IL34: variants seen among roughly 807,000 people sequenced by gnomAD.
IL34 encodes interleukin-34.
Under a neutral mutation model 25.3 loss-of-function variants are expected in IL34, and 17 were observed. That is an observed-to-expected ratio of 0.67 (90% CI 0.46 to 1.01). The LOEUF is 1.01. Ranked by LOEUF, IL34 falls within the 50% of genes least tolerant of loss-of-function variation. IL34 has a pLI of 0.00. For synonymous variants in IL34, 174 were observed against 140.9 expected, an observed-to-expected ratio of 1.23 and a Z score of -1.66; for missense variants, 368 against 312.9, an observed-to-expected ratio of 1.18 and a Z score of -1.33.
intron 1 of IL34, among the ~76,000 whole-genome samples, chr16:70,592,760 T>G (rs2050771066): frequency 6.6e-6 from 1 of 152,118 alleles, no homozygotes; most frequent in African/African-American, 2.4e-5. Flanking sequence ...GTGCAAGCGA[T>G]TCTCCTGCCT....
At chr16:70,586,709 C>T (rs914825262) in intron 1 of IL34, among the ~76,000 whole-genome samples, 14 of 152,214 alleles carry the variant, frequency 9.2e-5, no homozygotes, top group Admixed American at 7.9e-4. Flanking sequence ...GTCCTCCAGC[C>T]TGGCATTGCA....
intron 3 of IL34, 119 bp from the exon 4 acceptor site, chr16:70,656,830 ATGTTTGTCCAC>A: frequency 8.8e-7 from 1 of 1,135,190 alleles, no homozygotes; most frequent in Non-Finnish European, 1.3e-6. Context: ...GCCCAGGCAC[ATGTTTGTCCAC>A]TGTCCACAGC....
At chr16:70,589,585 A>T (rs2050729529) in intron 1 of IL34, among the ~76,000 whole-genome samples, 1 of 150,968 alleles carries the variant, frequency 6.6e-6, no homozygotes, top group South Asian at 2.1e-4. Context: ...TTTTTTATAG[A>T]TGTGGTACAT....
chr16:70,639,949 C>A (rs901416239), intron 1 of IL34, among the ~76,000 whole-genome samples: 4 of 151,852 alleles, frequency 2.6e-5, no homozygotes, highest in Admixed American at 6.6e-5. Context: ...CAAAGGGAGA[C>A]CCTGTCTCCG....
At chr16:70,598,344 C>T (rs2050855673) in intron 1 of IL34, among the ~76,000 whole-genome samples, 1 of 152,128 alleles carries the variant, frequency 6.6e-6, no homozygotes, top group Non-Finnish European at 1.5e-5. Context: ...TCCAGTTCAC[C>T]TTGCATATTA....
chr16:70,660,375 A>G lies in IL34; in HGVS notation c.*188A>G. On this transcript the variant is annotated 3_prime_UTR_variant, in exon 6 of 6. Coordinates refer to ENST00000288098, the MANE Select transcript of IL34 (RefSeq NM_001393494.1). ...CAGCTTCCTGCCTTCCATAGCTGTC[A>G]TGGCCTCACCTGGAGCGGAGGGGAC... The G allele has an allele frequency of 1.8e-6, 1 of 557,542 alleles. No homozygotes were observed. Among genetic ancestry groups the G allele is most frequent in the South Asian group, 2.9e-5 (1 of 34,594 alleles). The allele number at this position is 557,542 out of a possible 1,614,324, so 34.5% of individuals were successfully genotyped here.
chr16:70,580,121 C>G (rs371835053), intron 1 of IL34: 1 of 152,654 alleles, frequency 6.6e-6, no homozygotes, highest in African/African-American at 2.4e-5. Context: ...TTCCCCACCC[C>G]GATTCTGCTG....
intron 1 of IL34, among the ~76,000 whole-genome samples, chr16:70,627,657 A>G (rs1316324929): frequency 6.6e-6 from 1 of 151,856 alleles, no homozygotes; most frequent in African/African-American, 2.4e-5. Context: ...TTTTGTAGAG[A>G]TGGGATCTCA....
chr16:70,656,466 C>A, intron 2 of IL34, 136 bp from the exon 3 acceptor site: 1 of 687,218 alleles, frequency 1.5e-6, no homozygotes. Context: ...CTTCCGTGAG[C>A]CATGATGCTG....
intron 1 of IL34, among the ~76,000 whole-genome samples, chr16:70,600,904 G>A (rs932815685): frequency 2.0e-5 from 3 of 151,652 alleles, no homozygotes; most frequent in Non-Finnish European, 4.4e-5. Context: ...AGGAGATGCT[G>A]GGAGAAATGA....
chr16:70,608,047 C>T (rs943638473), intron 1 of IL34, among the ~76,000 whole-genome samples: 3 of 150,016 alleles, frequency 2.0e-5, no homozygotes, highest in East Asian at 2.0e-4. Context: ...GGATTACAGG[C>T]GTGAGCCACC....
In IL34 at chr16:70,599,721, A is replaced by C. The variant is rs1422542237; in HGVS notation, c.-401+19672A>C. 2.8e-5 allele frequency among the ~76,000 whole-genome samples: 4 copies of C among 145,278 alleles called. No individual in the cohort carries two copies. The East Asian group carries it at 8.2e-4, about 30-fold the overall frequency. On this transcript the variant is annotated intron_variant, in intron 1 of 6. Coordinates refer to the IL34 transcript ENST00000429149. Reference sequence around the variant, plus strand: ...ACAGGGTCTTGCTTTGTCGCCCAGGATAGAGTATAGTGGTGTGATCACAGC... The same window carrying C: ...ACAGGGTCTTGCTTTGTCGCCCAGGCTAGAGTATAGTGGTGTGATCACAGC...
chr16:70,605,450 C>T lies in IL34; in HGVS notation c.-401+25401C>T, dbSNP rs115339206. ...ATTCACTGTGTTGTGTAATCATCAT[C>T]GCTATCCAGTTCCAGAACTTTTCAT... On this transcript the variant is annotated intron_variant, in intron 1 of 6. Coordinates refer to the IL34 transcript ENST00000429149. 1.8e-3 allele frequency among the ~76,000 whole-genome samples: 275 copies of T among 152,260 alleles called. 1 individual carries two copies. The highest frequency in any genetic ancestry group is 6.8e-3 in the Middle Eastern group (2 of 294).
chr16:70,621,618 C>G (rs1056452783), intron 1 of IL34, among the ~76,000 whole-genome samples: 4 of 152,096 alleles, frequency 2.6e-5, no homozygotes, highest in African/African-American at 4.8e-5. Context: ...ATTTCATGCG[C>G]GTCCGTGTGA....
At chr16:70,638,558 T>G (rs1175737795) in intron 1 of IL34, among the ~76,000 whole-genome samples, 1 of 152,160 alleles carries the variant, frequency 6.6e-6, no homozygotes, top group South Asian at 2.1e-4. Flanking sequence ...TGGCTTCTTA[T>G]CCTCCCAATA....
chr16:70,618,591 A>G (rs1289229643), intron 1 of IL34, among the ~76,000 whole-genome samples: 1 of 152,098 alleles, frequency 6.6e-6, no homozygotes, highest in African/African-American at 2.4e-5. Flanking sequence ...GGGCTAGGCT[A>G]AAACAGTAAG....
chr16:70,656,878 A>G (rs1454129944), intron 3 of IL34, 82 bp from the exon 4 acceptor site: 1 of 1,468,344 alleles, frequency 6.8e-7, no homozygotes, highest in Non-Finnish European at 9.4e-7. Context: ...CTCCCTATGC[A>G]GGGGCAAGTC....
chr16:70,618,220 A>G (rs1262503027), intron 1 of IL34, among the ~76,000 whole-genome samples: 2 of 151,978 alleles, frequency 1.3e-5, no homozygotes, highest in Non-Finnish European at 2.9e-5. Flanking sequence ...GGCCTGGTGG[A>G]ACCTCCATCA....
intron 1 of IL34, among the ~76,000 whole-genome samples, chr16:70,582,106 G>A (rs1194942849): frequency 6.6e-6 from 1 of 152,178 alleles, no homozygotes; most frequent in Non-Finnish European, 1.5e-5. Flanking sequence ...CATCTTCTTG[G>A]CCCAGAGCCT....
Sources: allele counts gnomAD v4.1 joint callset (sites outside exome capture counted in the v4.1 genomes callset), GRCh38; gene constraint gnomAD v4.1.1; transcripts MANE v1.5; gene names NCBI Gene and HGNC (gene_info 2026-07-23, HGNC 2026-07-21).